CYP4A11: variants seen among roughly 807,000 people sequenced by gnomAD.
The protein encoded by CYP4A11 is cytochrome P450 4A11.
In CYP4A11, 52 loss-of-function variants were observed where a neutral mutation model predicts 57.7. The observed-to-expected ratio is 0.90, with a 90% CI of 0.72 to 1.14. The LOEUF is 1.14. Among genes scored for constraint, CYP4A11 ranks in the 50% most tolerant of loss-of-function variants. The probability of loss-of-function intolerance (pLI) is 0.00; values close to 1 mark genes in which losing one functional copy is unlikely to be tolerated. For missense variants in CYP4A11, 641 were observed against 642.1 expected (o/e 1.00, Z 0.02); for synonymous variants, 228 against 247.1 (o/e 0.92, Z 0.72).
chr1:46,939,427 T>C (rs564520873), intron 1 of CYP4A11, among the ~76,000 whole-genome samples: 1 of 152,124 alleles, frequency 6.6e-6, no homozygotes, highest in Admixed American at 6.5e-5. Context: ...ATGGACATGA[T>C]ATGGAATGAA....
rs1681214532 is a variant in CYP4A11 at position 46,934,097 on chromosome 1, T to C, written c.1089-18A>G. Reference sequence around the variant, plus strand: ...GGTGGTTCCTGAAACAATTCCATCCTGAACACCAGCAAGGCCTGGGCAGAC... The same window carrying C: ...GGTGGTTCCTGAAACAATTCCATCCCGAACACCAGCAAGGCCTGGGCAGAC... On this transcript the variant is annotated intron_variant, in intron 8 of 11. Transcript: ENST00000310638. 6.2e-7 allele frequency: 1 copy of C among 1,611,776 alleles called. No individual in the cohort carries two copies. Among genetic ancestry groups the C allele is most frequent in the South Asian group, 1.1e-5 (1 of 90,736 alleles).
chr1:46,940,004 T>G (rs1305872027), intron 1 of CYP4A11, among the ~76,000 whole-genome samples: 1 of 151,822 alleles, frequency 6.6e-6, no homozygotes, highest in East Asian at 1.9e-4. Flanking sequence ...CTATCTCTAC[T>G]TAAGTGTGTT....
Position 46,941,352 on chromosome 1 carries a change from G to A in CYP4A11, c.82C>T (p.Leu28Phe), listed in dbSNP as rs1426065355. ...TGAACTGCCTTGATCAGCAGCAGAA[G>A]CAGAATGAGCAGGGAGGCCGCTTGG... ...ILQAASLLIL[L>F]LLLIKAVQLY... Residue 28 changes from leucine to phenylalanine, a missense_variant, in exon 1 of 12, where the codon CTT becomes TTT. Coordinates refer to ENST00000310638, the MANE Select transcript of CYP4A11 (RefSeq NM_000778.4). 1 of 1,614,166 alleles carries A rather than the reference G, an allele frequency of 6.2e-7. No homozygotes were observed. The highest frequency in any genetic ancestry group is 8.5e-7 in the Non-Finnish European group (1 of 1,180,030).
At chr1:46,931,547 A>G (rs1681028849) in intron 11 of CYP4A11, 1 of 749,256 alleles carries the variant, frequency 1.3e-6, no homozygotes, top group Non-Finnish European at 1.6e-6. Context: ...AAGTTTTAAA[A>G]TGAATAAAAT....
chr1:46,932,889 C>T, intron 10 of CYP4A11, 52 bp from the exon 11 acceptor site: 1 of 1,614,120 alleles, frequency 6.2e-7, no homozygotes, highest in African/African-American at 1.3e-5. Flanking sequence ...CACCTACTTG[C>T]CACCCATGGG....
At chr1:46,934,963 C>G in intron 6 of CYP4A11, 37 bp downstream of exon 6, 1 of 1,602,820 alleles carries the variant, frequency 6.2e-7, no homozygotes. Context: ...TTCGCTGTGC[C>G]TGGGAAAGGC....
chr1:46,937,314 C>A lies in CYP4A11; in HGVS notation c.370G>T (p.Ala124Ser). The change falls in exon 3 of 12, where the codon GCT (alanine) becomes TCT (serine). Residue 124 changes from alanine (A) to serine (S), a missense_variant. Ala to Ser is a moderately conservative substitution (Grantham distance 99, BLOSUM62 1). Coordinates refer to ENST00000310638, the MANE Select transcript of CYP4A11 (RefSeq NM_000778.4). ...PKSHGSYRFL[A>S]PWIGYGLLLL... ...TTTGCACACATACCAATCCATGGAG[C>A]CAGGAATCTGTAGGAACCATGGGAT... The A allele has an allele frequency of 6.2e-7, 1 of 1,613,802 alleles. No individual in the cohort carries two copies. Among genetic ancestry groups the A allele is most frequent in the Non-Finnish European group, 8.5e-7 (1 of 1,179,866 alleles).
chr1:46,936,139 G>A (rs1431125457), intron 4 of CYP4A11, among the ~76,000 whole-genome samples: 4 of 152,242 alleles, frequency 2.6e-5, no homozygotes, highest in Non-Finnish European at 5.9e-5. Flanking sequence ...GGGCACAGTT[G>A]GGTGAGAAAT....
At position 46,938,285 on chromosome 1, in the gene CYP4A11, G is replaced by T. The variant is rs780997800; in HGVS notation, c.196-148C>A. 8.5e-4 allele frequency: 1,036 copies of T among 1,217,896 alleles called. 1 individual carries two copies. Among genetic ancestry groups the T allele is most frequent in the Non-Finnish European group, 1.0e-3 (880 of 871,232 alleles). 75.4% of individuals were successfully genotyped at this position (1,217,896 alleles called of 1,614,324 possible). A position where few individuals can be genotyped will look rare whatever the true frequency, so the allele number is the denominator to read the frequency against. On this transcript the variant is annotated intron_variant, in intron 1 of 11. Transcript: ENST00000310638. ...GACCTGAGCTGTGATCCAGATTCTTGCTCTCTCCCCAGGACTTGACCTTAG... is the reference window on the plus strand; with the variant it reads ...GACCTGAGCTGTGATCCAGATTCTTTCTCTCTCCCCAGGACTTGACCTTAG...
chr1:46,935,546 A>T lies in CYP4A11; in HGVS notation c.612T>A (p.His204Gln). ...LDTIMKCAFS[H>Q]QGSIQVDRNS... ...ACCTGTCCACCTGGATGCTGCCCTG[A>T]TGGCTGAAGGCACACTTCATGATGG... The change falls in exon 5 of 12, where the codon CAT becomes CAA. Residue 204 changes from histidine (H) to glutamine (Q), a missense_variant. Transcript: ENST00000310638. 1 of 1,613,948 alleles carries T rather than the reference A, an allele frequency of 6.2e-7. No homozygotes were observed. The highest frequency in any genetic ancestry group is 8.5e-7 in the Non-Finnish European group (1 of 1,179,846).
At chr1:46,936,369 C>T (rs567497059) in intron 4 of CYP4A11, among the ~76,000 whole-genome samples, 1 of 152,244 alleles carries the variant, frequency 6.6e-6, no homozygotes, top group Non-Finnish European at 1.5e-5. Flanking sequence ...AGCAAGATTG[C>T]ATACTCCTCC....
Position 46,934,956 on chromosome 1 carries a change from G to C in CYP4A11, c.790+44C>G, listed in dbSNP as rs9333007. The C allele has an allele frequency of 8.2e-3, 13,040 of 1,598,622 alleles. 754 individuals are homozygous for C. The African/African-American group carries it at 0.13, about 16-fold the overall frequency. ...CTGAGGAGTCAGGGCAAGTTCTTTC[G>C]CTGTGCCTGGGAAAGGCTGGGAGAC... On this transcript the variant is annotated intron_variant, in intron 6 of 11. Coordinates refer to ENST00000310638, the MANE Select transcript of CYP4A11 (RefSeq NM_000778.4).
At chr1:46,932,547 G>A in intron 11 of CYP4A11, 3 of 1,427,526 alleles carry the variant, frequency 2.1e-6, no homozygotes, top group South Asian at 3.1e-5. Flanking sequence ...ATTTGAAGAA[G>A]CAGAGGGAGC....
Position 46,941,341 on chromosome 1 carries a change from C to G in CYP4A11, c.93G>C (p.Leu31=), listed in dbSNP as rs1444930066. ...AASLLILLLL[L]IKAVQLYLHR... ...GCAGGTAGAGCTGAACTGCCTTGATCAGCAGCAGAAGCAGAATGAGCAGGG... is the reference window on the plus strand; with the variant it reads ...GCAGGTAGAGCTGAACTGCCTTGATGAGCAGCAGAAGCAGAATGAGCAGGG... The change falls in exon 1 of 12, where the codon CTG becomes CTC. Residue 31 remains leucine (L), a synonymous_variant. Transcript: ENST00000310638. 6.2e-7 allele frequency: 1 copy of G among 1,614,190 alleles called. No homozygotes were observed. Among genetic ancestry groups the G allele is most frequent in the South Asian group, 1.1e-5 (1 of 91,082 alleles).
intron 2 of CYP4A11, among the ~76,000 whole-genome samples, chr1:46,937,731 A>C (rs971111132): frequency 6.6e-6 from 1 of 152,230 alleles, no homozygotes; most frequent in African/African-American, 2.4e-5. Context: ...CAGATCTGGG[A>C]CAATTTACAT....
chr1:46,932,894 C>T (rs1367714737), intron 10 of CYP4A11, 57 bp from the exon 11 acceptor site: 112 of 1,613,990 alleles, frequency 6.9e-5, no homozygotes, highest in Admixed American at 1.7e-4. Context: ...ACTTGCCACC[C>T]ATGGGGGACA....
In CYP4A11 at chr1:46,935,232, C is replaced by A. The variant is rs1681310900; in HGVS notation, c.636-78G>T. On this transcript the variant is annotated intron_variant, in intron 5 of 11. Coordinates refer to ENST00000310638, the MANE Select transcript of CYP4A11 (RefSeq NM_000778.4). ...AAGTAGAATGGGGTCTGAGAGGAGG[C>A]AGCCTCGGATAATGGGGACAAGCAG... 2.0e-6 allele frequency: 3 copies of A among 1,514,118 alleles called. No individual in the cohort carries two copies. In the African/African-American group the frequency reaches 4.1e-5, roughly 21 times the overall value. 93.8% of individuals were successfully genotyped at this position (1,514,118 alleles called of 1,614,324 possible).
At chr1:46,938,838 A>G (rs1681580100) in intron 1 of CYP4A11, among the ~76,000 whole-genome samples, 1 of 152,202 alleles carries the variant, frequency 6.6e-6, no homozygotes, top group Non-Finnish European at 1.5e-5. Context: ...GTGGATCACA[A>G]AGCCCTTGGC....
At chr1:46,936,866 G>C in intron 3 of CYP4A11, 75 bp from the exon 4 acceptor site, 1 of 1,515,960 alleles carries the variant, frequency 6.6e-7, no homozygotes, top group Non-Finnish European at 8.9e-7. Flanking sequence ...AGGAGCTAGG[G>C]ATGACTGGTG....
Sources: gnomAD v4.1 joint callset for allele counts (sites outside exome capture counted in the v4.1 genomes callset) on GRCh38, gnomAD v4.1.1 for gene constraint, MANE v1.5 for transcripts, NCBI Gene and HGNC (gene_info 2026-07-23, HGNC 2026-07-21) for gene names.